The following ALOX5AP variants were observed in gnomAD, a reference collection of about 807,000 sequenced individuals.
ALOX5AP encodes the protein arachidonate 5-lipoxygenase-activating protein.
Under a neutral mutation model 18.5 loss-of-function variants are expected in ALOX5AP, and 9 were observed. The observed-to-expected ratio is 0.49, with a 90% CI of 0.29 to 0.85. The LOEUF is 0.85. Among genes scored for constraint, ALOX5AP ranks in the 40% least tolerant of loss-of-function variants. ALOX5AP has a pLI of 0.08. For synonymous variants in ALOX5AP, 81 were observed against 78.6 expected (o/e 1.03, Z -0.16); for missense variants, 172 against 202.5 (o/e 0.85, Z 0.91).
rs145984160 is a variant in ALOX5AP at position 30,764,241 on chromosome 13, T to C, written c.*135T>C. The C allele has an allele frequency of 2.0e-6, 2 of 991,050 alleles. No homozygotes were observed. Among genetic ancestry groups the C allele is most frequent in the African/African-American group, 3.3e-5 (2 of 60,372 alleles). 61.4% of individuals were successfully genotyped at this position (991,050 alleles called of 1,614,324 possible). A position where few individuals can be genotyped will look rare whatever the true frequency, so the allele number is the denominator to read the frequency against. Reference sequence around the variant, plus strand: ...GGCCATCTGGGCTTCACAGCTTGAGTTAACCTTGCTTTTCCGGGAACAAAA... The same window carrying C: ...GGCCATCTGGGCTTCACAGCTTGAGCTAACCTTGCTTTTCCGGGAACAAAA... On this transcript the variant is annotated 3_prime_UTR_variant, in exon 5 of 5. Coordinates refer to ENST00000380490, the MANE Select transcript of ALOX5AP (RefSeq NM_001629.4).
intron 3 of ALOX5AP, among the ~76,000 whole-genome samples, chr13:30,753,166 C>T (rs1046181351): frequency 9.2e-5 from 14 of 152,134 alleles, no homozygotes; most frequent in African/African-American, 2.9e-4. Context: ...GGGTGGGAAG[C>T]GCCATATGGG....
intron 1 of ALOX5AP, among the ~76,000 whole-genome samples, chr13:30,742,153 T>G (rs1335573520): frequency 3.3e-5 from 5 of 151,874 alleles, no homozygotes; most frequent in Non-Finnish European, 7.4e-5. Flanking sequence ...CCAACTCTAC[T>G]AAAAATACAA....
chr13:30,719,643 A>C (rs9315038), intron 1 of ALOX5AP, among the ~76,000 whole-genome samples: 48,987 of 152,026 alleles, frequency 0.32, 9,898 homozygotes, highest in Non-Finnish European at 0.44. Flanking sequence ...TGTTTAATCT[A>C]TTTTGATTGT....
chr13:30,754,335 G>C (rs961883804), intron 3 of ALOX5AP, among the ~76,000 whole-genome samples: 3 of 152,222 alleles, frequency 2.0e-5, no homozygotes, highest in African/African-American at 7.2e-5. Context: ...AAAGAAATGG[G>C]TTTTGGGGAG....
intron 1 of ALOX5AP, among the ~76,000 whole-genome samples, chr13:30,719,357 G>T (rs1951575677): frequency 6.6e-6 from 1 of 152,200 alleles, no homozygotes; most frequent in Admixed American, 6.5e-5. Context: ...CACAGGGCGT[G>T]ACCTCTCTCT....
chr13:30,727,678 G>A lies in ALOX5AP; in HGVS notation c.117-7873G>A, dbSNP rs143201227. On this transcript the variant is annotated intron_variant, in intron 1 of 5. Transcript: ENST00000617770. ...TGAGTTCACAGCTGTTCCAGCTTCT[G>A]CTGGAAACTCCTTCGGTTTCTCTGA... Among the ~76,000 whole-genome samples the A allele has an allele frequency of 2.8e-3, 427 of 152,288 alleles. 2 individuals are homozygous for A. The highest frequency in any genetic ancestry group is 9.8e-3 in the African/African-American group (407 of 41,550).
At chr13:30,730,728 A>C (rs1205972032), upstream of ALOX5AP, among the ~76,000 whole-genome samples, 1 of 150,946 alleles carries the variant, frequency 6.6e-6, no homozygotes, top group Non-Finnish European at 1.5e-5. Flanking sequence ...CCCCGTTGCC[A>C]TGGCGATGGA....
At chr13:30,749,017 T>C (rs919392154) in intron 2 of ALOX5AP, among the ~76,000 whole-genome samples, 1 of 152,176 alleles carries the variant, frequency 6.6e-6, no homozygotes, top group Non-Finnish European at 1.5e-5. Flanking sequence ...GCACTTGAAG[T>C]CCTGGATGGC....
chr13:30,726,679 A>G (rs1951641970), intron 1 of ALOX5AP, among the ~76,000 whole-genome samples: 1 of 152,162 alleles, frequency 6.6e-6, no homozygotes, highest in South Asian at 2.1e-4. Flanking sequence ...GTATTTGTGC[A>G]TATATTAACC....
At chr13:30,755,238 G>C (rs1052031662) in intron 3 of ALOX5AP, among the ~76,000 whole-genome samples, 2 of 152,230 alleles carry the variant, frequency 1.3e-5, no homozygotes, top group African/African-American at 2.4e-5. Flanking sequence ...AATGCAGAGG[G>C]AATGTCCTTC....
At chr13:30,756,784 G>C (rs184519932) in intron 4 of ALOX5AP, among the ~76,000 whole-genome samples, 16 of 123,108 alleles carry the variant, frequency 1.3e-4, no homozygotes, top group African/African-American at 5.2e-4. Context: ...CTGCACTCCA[G>C]CCTGGGCAAC....
At chr13:30,715,224 A>T (rs976888245) in intron 1 of ALOX5AP, among the ~76,000 whole-genome samples, 2 of 152,104 alleles carry the variant, frequency 1.3e-5, no homozygotes, top group African/African-American at 4.8e-5. Context: ...TCCAAGCTTC[A>T]CTTCCTCTGT....
chr13:30,718,103 G>A (rs1038031890), intron 1 of ALOX5AP, among the ~76,000 whole-genome samples: 1 of 151,914 alleles, frequency 6.6e-6, no homozygotes, highest in Non-Finnish European at 1.5e-5. Context: ...GGGATTACAG[G>A]CGTGTGCCAC....
intron 1 of ALOX5AP, among the ~76,000 whole-genome samples, chr13:30,714,180 G>C (rs373711294): frequency 1.7e-4 from 25 of 143,684 alleles, no homozygotes; most frequent in African/African-American, 6.3e-4. Context: ...ATAGGCATTA[G>C]GGGATGTGAT....
At chr13:30,755,838 T>A in intron 3 of ALOX5AP, 106 bp from the exon 4 acceptor site, 2 of 1,074,358 alleles carry the variant, frequency 1.9e-6, no homozygotes, top group Non-Finnish European at 2.8e-6. Flanking sequence ...CTGAAGTGCG[T>A]GTGTCTTCTG....
At position 30,725,187 on chromosome 13, in the gene ALOX5AP, G is replaced by A. The variant is rs144876838; in HGVS notation, c.117-10364G>A. Among the ~76,000 whole-genome samples the A allele has an allele frequency of 5.0e-3, 756 of 152,316 alleles. 3 individuals carry two copies. Among genetic ancestry groups the A allele is most frequent in the Middle Eastern group, 0.017 (5 of 294 alleles). On this transcript the variant is annotated intron_variant, in intron 1 of 5. Transcript: ENST00000617770. ...ACAAAATCACAGAGAGTGGTTAATC[G>A]TTTAGTCTGATGGTCAGGGACTTCC...
In ALOX5AP at chr13:30,736,061, G is replaced by T. The variant is rs551098960; in HGVS notation, c.70+386G>T. 2.0e-5 allele frequency among the ~76,000 whole-genome samples: 3 copies of T among 152,134 alleles called. No homozygotes were observed. In the South Asian group the frequency reaches 6.2e-4, roughly 31 times the overall value. ...ATATACACATTTACTCAGATACTGG[G>T]CTTTTCTAACATCTGCAGTGCAATT... On this transcript the variant is annotated intron_variant, in intron 1 of 4. Transcript: ENST00000380490.
intron 1 of ALOX5AP, among the ~76,000 whole-genome samples, chr13:30,726,088 C>T (rs1464908058): frequency 6.6e-6 from 1 of 152,140 alleles, no homozygotes; most frequent in Non-Finnish European, 1.5e-5. Flanking sequence ...CCTTCCCATT[C>T]CTGTAACTTT....
chr13:30,763,176 C>T (rs1048854972), intron 4 of ALOX5AP, among the ~76,000 whole-genome samples: 2 of 152,112 alleles, frequency 1.3e-5, no homozygotes, highest in Admixed American at 6.5e-5. Flanking sequence ...GGAGTGGTGG[C>T]GTGCGCCTGT....
Sources: allele counts gnomAD v4.1 joint callset (sites outside exome capture counted in the v4.1 genomes callset), GRCh38; gene constraint gnomAD v4.1.1; transcripts MANE v1.5; gene names NCBI Gene and HGNC (gene_info 2026-07-23, HGNC 2026-07-21).